The following PCDH11X variants were observed in gnomAD, a reference collection of about 807,000 sequenced individuals.
PCDH11X encodes protocadherin 11 X-linked, also known as protocadherin-11 X-linked.
PCDH11X carries 18 observed loss-of-function variants against 53.3 expected under a neutral mutation model. The observed-to-expected ratio is 0.34, with a 90% CI of 0.23 to 0.50. The LOEUF is 0.50. Among genes scored for constraint, PCDH11X ranks in the 20% least tolerant of loss-of-function variants. PCDH11X has a pLI of 0.98. For synonymous variants in PCDH11X, 279 were observed against 393.3 expected (o/e 0.71, Z 3.44); for missense variants, 570 against 1,032.4 (o/e 0.55, Z 6.14).
At chrX:91,931,127 GGTGTGTGTGT>G (rs199653186) in intron 6 of PCDH11X, among the ~76,000 whole-genome samples, 48 of 98,855 alleles carry the variant, frequency 4.9e-4, no homozygotes, top group East Asian at 4.3e-3. Context: ...AAGCTTTAGT[GGTGTGTGTGT>G]GTGTGTGTGT....
chrX:91,967,848 C>A (rs1311126390), intron 6 of PCDH11X, among the ~76,000 whole-genome samples: 1 of 111,910 alleles, frequency 8.9e-6, no homozygotes, highest in Non-Finnish European at 1.9e-5. Context: ...TAAAATAATA[C>A]TGCTTGTTAT....
chrX:92,127,719 C>T (rs1218591122), intron 6 of PCDH11X, among the ~76,000 whole-genome samples: 1 of 109,607 alleles, frequency 9.1e-6, no homozygotes, highest in Non-Finnish European at 1.9e-5. Context: ...GACGGGGTTT[C>T]ACCATGTTAG....
chrX:92,208,536 T>TAC lies in PCDH11X; in HGVS notation c.3114+7083_3114+7084dup, dbSNP rs1556236881. ...ATATATATATATATATATATATATA[T>TAC]ACAATTTTTTTTAAAGGAGGCTCTT... On this transcript the variant is annotated intron_variant, in intron 7 of 10. Coordinates refer to ENST00000682573, the MANE Select transcript of PCDH11X (RefSeq NM_032968.5). Among the ~76,000 whole-genome samples the TAC allele has an allele frequency of 1.4e-4, 11 of 80,075 alleles. 1 individual carries two copies. Among genetic ancestry groups the TAC allele is most frequent in the African/African-American group, 5.4e-4 (11 of 20,197 alleles). 69.5% of individuals were successfully genotyped at this position (80,075 alleles called of 115,157 possible).
intron 6 of PCDH11X, among the ~76,000 whole-genome samples, chrX:92,060,694 G>A (rs1434608063): frequency 4.5e-5 from 5 of 110,239 alleles, no homozygotes; most frequent in African/African-American, 1.6e-4. Flanking sequence ...ATTCCATGGT[G>A]AATGTGTACA....
intron 6 of PCDH11X, among the ~76,000 whole-genome samples, chrX:92,072,182 T>G (rs2063711806): frequency 9.1e-6 from 1 of 110,174 alleles, no homozygotes; most frequent in African/African-American, 3.3e-5. Flanking sequence ...AACTCACCCT[T>G]TATGGCAATG....
In PCDH11X at chrX:92,389,492, G is replaced by T. The variant is rs181806562; in HGVS notation, c.3343+1559G>T. On this transcript the variant is annotated intron_variant, in intron 9 of 10. Coordinates refer to ENST00000682573, the MANE Select transcript of PCDH11X (RefSeq NM_032968.5). ...TAAACTAGAAAGAGTTGATTCATTTGTACATGACGTGTTACTAAGCCTCTT... is the reference window on the plus strand; with the variant it reads ...TAAACTAGAAAGAGTTGATTCATTTTTACATGACGTGTTACTAAGCCTCTT... Among the ~76,000 whole-genome samples, 49 of 111,023 alleles carry T rather than the reference G, an allele frequency of 4.4e-4. No homozygotes were observed. The East Asian group carries it at 0.011, about 24-fold the overall frequency.
At chrX:92,204,139 G>A (rs973128073) in intron 7 of PCDH11X, among the ~76,000 whole-genome samples, 1 of 111,774 alleles carries the variant, frequency 8.9e-6, no homozygotes, top group African/African-American at 3.3e-5. Context: ...TTGGTTCTGT[G>A]ATGGCAGGGG....
chrX:91,817,014 G>T (rs1446740406), intron 4 of PCDH11X, among the ~76,000 whole-genome samples: 1 of 107,380 alleles, frequency 9.3e-6, no homozygotes, highest in Non-Finnish European at 1.9e-5. Flanking sequence ...AACATGGTGA[G>T]TATTCCAAAC....
intron 6 of PCDH11X, among the ~76,000 whole-genome samples, chrX:92,193,683 G>A (rs2066240487): frequency 9.0e-6 from 1 of 110,750 alleles, no homozygotes; most frequent in Non-Finnish European, 1.9e-5. Context: ...ATTTATGCAT[G>A]AAATATTTCC....
chrX:92,614,767 ACCT>A (rs779603734), intron 10 of PCDH11X, among the ~76,000 whole-genome samples: 1 of 109,905 alleles, frequency 9.1e-6, no homozygotes, highest in South Asian at 3.9e-4. Context: ...GAGCTGGGAA[ACCT>A]CCTCAGCCCC....
chrX:92,039,851 A>G (rs1387535675), intron 6 of PCDH11X, among the ~76,000 whole-genome samples: 1 of 108,470 alleles, frequency 9.2e-6, no homozygotes, highest in African/African-American at 3.4e-5. Context: ...ATGTCTCACA[A>G]TCTCACTGAA....
chrX:91,899,845 T>A (rs1322692334), intron 6 of PCDH11X, among the ~76,000 whole-genome samples: 1 of 111,015 alleles, frequency 9.0e-6, no homozygotes, highest in African/African-American at 3.3e-5. Context: ...CTCATGACAA[T>A]TATAGTCCTT....
chrX:92,168,584 T>C (rs189591417), intron 6 of PCDH11X, among the ~76,000 whole-genome samples: 2 of 109,722 alleles, frequency 1.8e-5, no homozygotes, highest in African/African-American at 3.3e-5. Flanking sequence ...CCCCCAACTA[T>C]ATAAATGCCA....
rs189956207 is a variant in PCDH11X, at chrX:92,499,463, A to T, written c.3367+31141A>T. Among the ~76,000 whole-genome samples, 308 of 88,368 alleles carry T rather than the reference A, an allele frequency of 3.5e-3. 6 individuals are homozygous for T. The East Asian group carries it at 0.044, about 13-fold the overall frequency. 76.7% of individuals were successfully genotyped at this position (88,368 alleles called of 115,157 possible). On this transcript the variant is annotated intron_variant, in intron 10 of 10. Coordinates refer to ENST00000682573, the MANE Select transcript of PCDH11X (RefSeq NM_032968.5). ...GAGTTTGAAAAAAAAAAACAAAAAA[A>T]CAGTGGATAGTTACTACCATCACCT... is the stretch of plus-strand genomic sequence containing the variant.
chrX:92,233,193 AT>A (rs2067113805), intron 7 of PCDH11X, among the ~76,000 whole-genome samples: 1 of 111,159 alleles, frequency 9.0e-6, no homozygotes, highest in African/African-American at 3.3e-5. Context: ...TATTGGTAAT[AT>A]TACAGCATTG....
intron 8 of PCDH11X, among the ~76,000 whole-genome samples, chrX:92,322,349 A>G (rs2148494561): frequency 9.0e-6 from 1 of 111,294 alleles, no homozygotes; most frequent in Non-Finnish European, 1.9e-5. Flanking sequence ...CTCAGTATTT[A>G]CAATGTACTT....
At chrX:92,130,719 A>G (rs2064957445) in intron 6 of PCDH11X, among the ~76,000 whole-genome samples, 1 of 110,809 alleles carries the variant, frequency 9.0e-6, no homozygotes, top group Non-Finnish European at 1.9e-5. Flanking sequence ...GTAGGTCTTT[A>G]AATTTTTCTT....
At chrX:92,264,315 CCT>C (rs1358241606) in intron 8 of PCDH11X, among the ~76,000 whole-genome samples, 1 of 111,396 alleles carries the variant, frequency 9.0e-6, no homozygotes, top group Non-Finnish European at 1.9e-5. Flanking sequence ...CTTTCAATTG[CCT>C]CTCTGAATCA....
At chrX:92,313,266 C>T (rs2068992105) in intron 8 of PCDH11X, among the ~76,000 whole-genome samples, 1 of 110,058 alleles carries the variant, frequency 9.1e-6, no homozygotes. Flanking sequence ...ATGTACTATA[C>T]CTGAAGGTAG....
Sources: gnomAD v4.1 joint callset for allele counts (sites outside exome capture counted in the v4.1 genomes callset) on GRCh38, gnomAD v4.1.1 for gene constraint, MANE v1.5 for transcripts, NCBI Gene and HGNC (gene_info 2026-07-23, HGNC 2026-07-21) for gene names.